Variants in CEP290 observed in about 807,000 individuals in gnomAD.
The protein encoded by CEP290 is centrosomal protein of 290 kDa.
Under a neutral mutation model 344.9 loss-of-function variants are expected in CEP290, and 317 were observed. The observed-to-expected ratio is 0.92, with a 90% CI of 0.84 to 1.01. The LOEUF (loss-of-function observed/expected upper bound fraction) is 1.01. Ranked by LOEUF, CEP290 falls within the 50% of genes least tolerant of loss-of-function variation. CEP290 has a pLI of 0.00. For missense variants in CEP290, 2,754 were observed against 2,761.4 expected, an observed-to-expected ratio of 1.00 and a Z score of 0.06; for synonymous variants, 932 against 895.8, an observed-to-expected ratio of 1.04 and a Z score of -0.72.
At chr12:88,111,386 T>A in intron 21 of CEP290, 35 bp from the exon 22 acceptor site, 1 of 1,543,322 alleles carries the variant, frequency 6.5e-7, no homozygotes, top group South Asian at 1.3e-5. Context: ...GAATCACAAC[T>A]CTTACACCCA....
intron 25 of CEP290, among the ~76,000 whole-genome samples, chr12:88,105,293 G>T (rs2038194622): frequency 6.6e-6 from 1 of 152,148 alleles, no homozygotes; most frequent in Non-Finnish European, 1.5e-5. Flanking sequence ...AAAAGAATAT[G>T]ACTCCAACTA....
intron 41 of CEP290, among the ~76,000 whole-genome samples, chr12:88,073,478 T>C (rs984265442): frequency 5.9e-5 from 9 of 152,356 alleles, no homozygotes; most frequent in Non-Finnish European, 1.3e-4. Context: ...TCCCCCTATA[T>C]ATTTCATTTA....
rs2138305629 is a variant in CEP290 at position 88,141,257 on chromosome 12, G to A, written c.51C>T (p.Asp17=). The change falls in exon 2 of 54, where the codon GAC becomes GAT. Residue 17 remains aspartate (D), a synonymous_variant. Transcript: ENST00000552810. ...WKEIMKVDPD[D]LPRQEELADN... Reference sequence around the variant, plus strand: ...CTGCCAGTTCTTCTTGACGGGGCAGGTCATCTGGGTCAACTTTCATTATTT... The same window carrying A: ...CTGCCAGTTCTTCTTGACGGGGCAGATCATCTGGGTCAACTTTCATTATTT... 3 of 1,611,148 alleles carry A rather than the reference G, an allele frequency of 1.9e-6. No homozygotes were observed. Among genetic ancestry groups the A allele is most frequent in the Non-Finnish European group, 2.5e-6 (3 of 1,179,010 alleles).
intron 25 of CEP290, among the ~76,000 whole-genome samples, chr12:88,104,634 T>C (rs2038140142): frequency 6.6e-6 from 1 of 151,896 alleles, no homozygotes; most frequent in Non-Finnish European, 1.5e-5. Flanking sequence ...ATATCAAATG[T>C]ATAACATAAC....
intron 30 of CEP290, among the ~76,000 whole-genome samples, chr12:88,090,444 C>T (rs1301114602): frequency 6.6e-6 from 1 of 152,022 alleles, no homozygotes; most frequent in South Asian, 2.1e-4. Flanking sequence ...CCAGCCTAGG[C>T]AACATGGTGA....
intron 27 of CEP290, 92 bp downstream of exon 27, chr12:88,096,796 C>T (rs939443823): frequency 6.5e-5 from 42 of 649,124 alleles, no homozygotes; most frequent in Admixed American, 1.4e-4. Context: ...CAAAATACTT[C>T]CTTTTAATCT....
At position 88,054,433 on chromosome 12, in the gene CEP290, T is replaced by C. The variant is rs766158824; in HGVS notation, c.6961-20A>G. 5 of 1,565,130 alleles carry C rather than the reference T, an allele frequency of 3.2e-6. No individual in the cohort carries two copies. In the South Asian group the frequency reaches 5.7e-5, roughly 18 times the overall value. Reference sequence around the variant, plus strand: ...CTTAATCTTTGAGGACAATGAAAAGTTAGAAGATAAGGTTTGCCATGGAAA... The same window carrying C: ...CTTAATCTTTGAGGACAATGAAAAGCTAGAAGATAAGGTTTGCCATGGAAA... On this transcript the variant is annotated intron_variant, in intron 50 of 53. Transcript: ENST00000552810.
chr12:88,131,382 C>A (rs2040062854), intron 6 of CEP290, among the ~76,000 whole-genome samples, 164 bp from the exon 7 acceptor site: 1 of 151,856 alleles, frequency 6.6e-6, no homozygotes, highest in African/African-American at 2.4e-5. Context: ...CCCACCTCAG[C>A]CTACCGAGTA....
Position 88,071,354 on chromosome 12 carries a change from T to G in CEP290, c.5951A>C (p.Lys1984Thr). 1 of 1,610,198 alleles carries G rather than the reference T, an allele frequency of 6.2e-7. No homozygotes were observed. Among genetic ancestry groups the G allele is most frequent in the Non-Finnish European group, 8.5e-7 (1 of 1,177,236 alleles). Residue 1984 changes from lysine (K) to threonine (T), a missense_variant, in exon 43 of 54, where the codon AAA (lysine) becomes ACA (threonine). Lys to Thr is a moderately conservative substitution (Grantham distance 78). Transcript: ENST00000552810. ...TCTCTTTTTTAATTCTTCCAATTCTTTTTCTGACTCCAAAGCTCGTATTCC... is the reference window on the plus strand; with the variant it reads ...TCTCTTTTTTAATTCTTCCAATTCTGTTTCTGACTCCAAAGCTCGTATTCC... ...VLGIRALESE[K>T]ELEELKKRNL...
At chr12:88,093,353 C>T (rs1222409758) in intron 28 of CEP290, among the ~76,000 whole-genome samples, 1 of 152,050 alleles carries the variant, frequency 6.6e-6, no homozygotes, top group Non-Finnish European at 1.5e-5. Context: ...ATTCTGACCA[C>T]ATCAAAAATA....
chr12:88,106,656 A>C lies in CEP290; in HGVS notation c.2817+19T>G. The C allele has an allele frequency of 6.4e-7, 1 of 1,558,706 alleles. No individual in the cohort carries two copies. The highest frequency in any genetic ancestry group is 1.2e-5 in the South Asian group (1 of 84,104). Reference sequence around the variant, plus strand: ...AAATTTTTCATAGTCAGAAAAAGCAAAATAAGAATCAGATGTACCTTAAAT... The same window carrying C: ...AAATTTTTCATAGTCAGAAAAAGCACAATAAGAATCAGATGTACCTTAAAT... On this transcript the variant is annotated intron_variant, in intron 25 of 53. Transcript: ENST00000552810.
In CEP290 at chr12:88,083,207, AGT is replaced by A. The variant is rs1207944612; in HGVS notation, c.4834_4835del (p.Thr1612SerfsTer13). On this transcript the variant is annotated frameshift_variant, in exon 37 of 54. Transcript: ENST00000552810. LOFTEE classifies it high-confidence loss of function. ...TAAAATGCTTGTTGGTAGGAACTGG[AGT>A]GGGAGACTGTTTCATTAAATCCTAT... The part of the protein sequence containing the change: ...TAWDLMKQSP[T>X]PVPTNKHFIR... 1.3e-6 allele frequency: 2 copies of A among 1,498,316 alleles called. No individual in the cohort carries two copies. Among genetic ancestry groups the A allele is most frequent in the Admixed American group, 5.3e-5 (2 of 37,646 alleles). 92.8% of individuals were successfully genotyped at this position (1,498,316 alleles called of 1,614,324 possible). A position where few individuals can be genotyped will look rare whatever the true frequency, so the allele number is the denominator to read the frequency against.
intron 49 of CEP290, chr12:88,057,727 T>A (rs755091510): frequency 3.3e-5 from 5 of 152,196 alleles, no homozygotes; most frequent in Non-Finnish European, 7.3e-5. Flanking sequence ...TCCTTTAATA[T>A]GCCTGCTTAA....
At chr12:88,105,846 C>T (rs573687389) in intron 25 of CEP290, among the ~76,000 whole-genome samples, 102 of 152,072 alleles carry the variant, frequency 6.7e-4, no homozygotes, top group African/African-American at 2.3e-3. Context: ...TGGGCTCAAG[C>T]GATCCTCCCA....
chr12:88,139,436 T>C, intron 4 of CEP290, 59 bp downstream of exon 4: 10 of 1,187,916 alleles, frequency 8.4e-6, no homozygotes, highest in Non-Finnish European at 1.1e-5. Context: ...TTCTACAGTT[T>C]AATGAACAAA....
At position 88,130,493 on chromosome 12, in the gene CEP290, C is replaced by T. The variant is rs2040000742; in HGVS notation, c.516+52G>A. 4 of 1,590,658 alleles carry T rather than the reference C, an allele frequency of 2.5e-6. No individual in the cohort carries two copies. The East Asian group carries it at 6.8e-5, about 27-fold the overall frequency. ...ACAAAATCATATCCTCTAAATAGTG[C>T]TCTCACAACATATTTTAAATTCCCA... On this transcript the variant is annotated intron_variant, in intron 8 of 53. Coordinates refer to ENST00000552810, the MANE Select transcript of CEP290 (RefSeq NM_025114.4).
In CEP290 at chr12:88,071,313, T is replaced by C. The variant is rs1231575145; in HGVS notation, c.5992A>G (p.Asn1998Asp). The C allele has an allele frequency of 1.1e-5, 18 of 1,606,440 alleles. No homozygotes were observed. Among genetic ancestry groups the C allele is most frequent in the Non-Finnish European group, 1.4e-5 (17 of 1,175,462 alleles). The part of the protein sequence containing the change: ...ELKKRNLDLE[N>D]DILYMRAHQA... ...GCTTACCTCATATACAATATATCAT[T>C]TTCTAAGTCAAGATTTCTCTTTTTT... Residue 1998 changes from asparagine to aspartate, a missense_variant, in exon 43 of 54, where the codon AAT (asparagine) becomes GAT (aspartate). By Grantham distance (23) the Asn-to-Asp change is conservative. Transcript: ENST00000552810.
chr12:88,106,863 TTTTCA>T lies in CEP290; in HGVS notation c.2624_2628del (p.Met875LysfsTer7). The T allele has an allele frequency of 6.2e-7, 1 of 1,607,694 alleles. No homozygotes were observed. ...TTCCTACTATTTTCTGCAAGTATTT[TTTTCA>T]TTTCATCCGAATCCATCTGAAGAGC... On this transcript the variant is annotated frameshift_variant, in exon 25 of 54. Coordinates refer to ENST00000552810, the MANE Select transcript of CEP290 (RefSeq NM_025114.4). LOFTEE classifies it high-confidence loss of function.
intron 11 of CEP290, among the ~76,000 whole-genome samples, chr12:88,127,727 T>C (rs1282844793): frequency 2.6e-5 from 4 of 152,232 alleles, no homozygotes; most frequent in Non-Finnish European, 5.9e-5. Flanking sequence ...CAGCAATTTA[T>C]TCCACAGATA....
Sources: allele counts gnomAD v4.1 joint callset (sites outside exome capture counted in the v4.1 genomes callset), GRCh38; gene constraint gnomAD v4.1.1; transcripts MANE v1.5; gene names NCBI Gene and HGNC (gene_info 2026-07-23, HGNC 2026-07-21).